The following NKAIN2 variants were observed in gnomAD, a reference collection of about 807,000 sequenced individuals.
The protein encoded by NKAIN2 is sodium/potassium transporting ATPase interacting 2.
A neutral mutation model predicts 32.6 loss-of-function variants in NKAIN2; 14 were observed. The ratio of observed to expected loss-of-function variants is 0.43; its 90% CI spans 0.28 to 0.67. NKAIN2 has a LOEUF of 0.67. NKAIN2 is among the 30% of genes least tolerant of loss of function. The pLI is 0.17. For missense variants in NKAIN2, 198 were observed against 258.3 expected (o/e 0.77, Z 1.60); for synonymous variants, 80 against 87.2 (o/e 0.92, Z 0.46).
At chr6:124,521,072 G>A (rs1779100244) in intron 3 of NKAIN2, among the ~76,000 whole-genome samples, 1 of 152,088 alleles carries the variant, frequency 6.6e-6, no homozygotes, top group Non-Finnish European at 1.5e-5. Flanking sequence ...AACAAATCAT[G>A]AAGTCTGCAA....
intron 4 of NKAIN2, among the ~76,000 whole-genome samples, chr6:124,737,230 C>T (rs974990858): frequency 6.6e-5 from 10 of 151,776 alleles, no homozygotes; most frequent in South Asian, 2.1e-4. Flanking sequence ...AAGGATGCGG[C>T]GGGAGCTAAT....
chr6:123,821,699 C>T (rs965025230), intron 1 of NKAIN2, among the ~76,000 whole-genome samples: 1 of 151,964 alleles, frequency 6.6e-6, no homozygotes, highest in East Asian at 1.9e-4. Flanking sequence ...AAGCGGGGGG[C>T]CCGAGGGCTG....
chr6:124,115,843 T>C (rs1562366649), intron 1 of NKAIN2, among the ~76,000 whole-genome samples: 1 of 152,084 alleles, frequency 6.6e-6, no homozygotes, highest in Non-Finnish European at 1.5e-5. Flanking sequence ...AGGGTTTTGG[T>C]ATGTATAGTG....
chr6:124,362,701 T>G (rs1799340916), intron 3 of NKAIN2, among the ~76,000 whole-genome samples: 1 of 152,060 alleles, frequency 6.6e-6, no homozygotes, highest in Non-Finnish European at 1.5e-5. Flanking sequence ...CACCTTAAAT[T>G]CAAAATGTCC....
At chr6:124,789,617 C>A (rs1779653399) in intron 4 of NKAIN2, among the ~76,000 whole-genome samples, 1 of 151,814 alleles carries the variant, frequency 6.6e-6, no homozygotes, top group Non-Finnish European at 1.5e-5. Flanking sequence ...ATGCTCAAAT[C>A]ACTATGTGAT....
intron 1 of NKAIN2, among the ~76,000 whole-genome samples, chr6:124,217,154 A>G (rs1319185006): frequency 6.6e-6 from 1 of 152,176 alleles, no homozygotes; most frequent in African/African-American, 2.4e-5. Context: ...ATTGTATATA[A>G]TTTTGAAGTT....
At chr6:124,449,216 T>C (rs1776006780) in intron 3 of NKAIN2, among the ~76,000 whole-genome samples, 1 of 152,146 alleles carries the variant, frequency 6.6e-6, no homozygotes, top group Non-Finnish European at 1.5e-5. Context: ...GTTATCTACC[T>C]AAGGTGTGTT....
intron 1 of NKAIN2, among the ~76,000 whole-genome samples, chr6:124,199,038 C>A (rs997504651): frequency 5.3e-5 from 8 of 152,100 alleles, no homozygotes; most frequent in African/African-American, 1.9e-4. Context: ...ATATTTGAAG[C>A]AACATTCCTT....
intron 2 of NKAIN2, among the ~76,000 whole-genome samples, chr6:124,334,591 T>A (rs899918367): frequency 6.6e-6 from 1 of 152,140 alleles, no homozygotes; most frequent in African/African-American, 2.4e-5. Flanking sequence ...AGTTTATAGA[T>A]CTGGGTGGCA....
At chr6:124,160,042 C>T (rs571114114) in intron 1 of NKAIN2, among the ~76,000 whole-genome samples, 252 of 152,226 alleles carry the variant, frequency 1.7e-3, no homozygotes, top group Non-Finnish European at 3.0e-3. Flanking sequence ...AAAGCAATGC[C>T]AGTTGTTTGG....
At chr6:124,465,504 C>T (rs969752384) in intron 3 of NKAIN2, among the ~76,000 whole-genome samples, 4 of 151,656 alleles carry the variant, frequency 2.6e-5, no homozygotes, top group African/African-American at 9.7e-5. Flanking sequence ...AGATGAGGGA[C>T]AGCATTAGGA....
chr6:124,570,771 C>CTCTGT (rs1345779834), intron 3 of NKAIN2, among the ~76,000 whole-genome samples: 1 of 152,226 alleles, frequency 6.6e-6, no homozygotes, highest in Non-Finnish European at 1.5e-5. Flanking sequence ...AGCTCCCATA[C>CTCTGT]AGAGTCCCTA....
At chr6:124,286,661 TGTGTGTGTGTGTGCGC>T (rs1364629769) in intron 2 of NKAIN2, among the ~76,000 whole-genome samples, 1 of 123,138 alleles carries the variant, frequency 8.1e-6, no homozygotes, top group African/African-American at 4.8e-5. Context: ...TGTGTGTGTG[TGTGTGTGTGTGTGCGC>T]GCGCGTGTGT....
At chr6:124,626,698 G>A (rs776364793) in intron 3 of NKAIN2, among the ~76,000 whole-genome samples, 6 of 152,148 alleles carry the variant, frequency 3.9e-5, no homozygotes, top group East Asian at 1.9e-4. Flanking sequence ...GCTAGATGAC[G>A]TTAGTGTTGG....
chr6:124,118,754 C>T (rs1785738569), intron 1 of NKAIN2, among the ~76,000 whole-genome samples: 1 of 152,110 alleles, frequency 6.6e-6, no homozygotes, highest in Non-Finnish European at 1.5e-5. Context: ...GGGATAAAAA[C>T]TTAGAATATA....
intron 4 of NKAIN2, among the ~76,000 whole-genome samples, chr6:124,728,784 G>C (rs1776474061): frequency 6.6e-6 from 1 of 151,846 alleles, no homozygotes; most frequent in African/African-American, 2.4e-5. Context: ...TTTTTTGAAA[G>C]GATTAACAAA....
intron 1 of NKAIN2, among the ~76,000 whole-genome samples, chr6:123,846,430 G>T (rs1775093795): frequency 6.6e-6 from 1 of 152,152 alleles, no homozygotes; most frequent in African/African-American, 2.4e-5. Flanking sequence ...GCTATGGGCT[G>T]TTTTTATTTA....
intron 3 of NKAIN2, among the ~76,000 whole-genome samples, chr6:124,362,332 T>A (rs1799325556): frequency 6.6e-6 from 1 of 152,138 alleles, no homozygotes; most frequent in Non-Finnish European, 1.5e-5. Context: ...TTAAATGTAA[T>A]GTAACTCTTT....
chr6:124,007,517 T>C (rs532993415), intron 1 of NKAIN2, among the ~76,000 whole-genome samples: 4 of 152,354 alleles, frequency 2.6e-5, no homozygotes, highest in African/African-American at 7.2e-5. Context: ...GGCTAAACTT[T>C]CTGCTCACAG....
Sources: gnomAD v4.1 joint callset for allele counts (sites outside exome capture counted in the v4.1 genomes callset) on GRCh38, gnomAD v4.1.1 for gene constraint, MANE v1.5 for transcripts, NCBI Gene and HGNC (gene_info 2026-07-23, HGNC 2026-07-21) for gene names.